Variants in MAX observed in about 807,000 individuals in gnomAD.
The protein encoded by MAX is MYC associated transcriptional regulator X.
A neutral mutation model predicts 22.3 loss-of-function variants in MAX; 3 were observed. The ratio of observed to expected loss-of-function variants is 0.13; its 90% CI spans 0.06 to 0.35. The LOEUF (loss-of-function observed/expected upper bound fraction) is 0.35, where lower values mean the gene tolerates loss of function less well. MAX is among the 10% of genes least tolerant of loss of function. The probability of loss-of-function intolerance (pLI) is 1.00; values close to 1 mark genes in which losing one functional copy is unlikely to be tolerated. For missense variants in MAX, 119 were observed against 209.4 expected, an observed-to-expected ratio of 0.57 and a Z score of 2.66; for synonymous variants, 72 against 77.7, an observed-to-expected ratio of 0.93 and a Z score of 0.39.
In MAX at chr14:65,075,197, C is replaced by T. The variant is rs1057392096; in HGVS notation, c.*1279G>A. The T allele has an allele frequency of 1.3e-5, 14 of 1,043,488 alleles. No homozygotes were observed. Among genetic ancestry groups the T allele is most frequent in the African/African-American group, 8.4e-5 (5 of 59,712 alleles). The allele number at this position is 1,043,488 out of a possible 1,614,324, so 64.6% of individuals were successfully genotyped here. On this transcript the variant is annotated 3_prime_UTR_variant, in exon 5 of 5. Coordinates refer to ENST00000358664, the MANE Select transcript of MAX (RefSeq NM_002382.5). This position sits in a 1 kb window ranked among gnomAD's most constrained non-coding sequence, Gnocchi z 4.1. ...AGCCTTAACTTGCAAGACAATTCTT[C>T]GGCAGTATGTACAACATACTTTTTA...
At position 65,082,096 on chromosome 14, in the gene MAX, G is replaced by T. The variant is rs1174851639; in HGVS notation, c.172-4060C>A. 6.6e-6 allele frequency: 1 copy of T among 152,132 alleles called. No homozygotes were observed. Among genetic ancestry groups the T allele is most frequent in the African/African-American group, 2.4e-5 (1 of 41,396 alleles). The allele number at this position is 152,132 out of a possible 1,614,324, so 9.4% of individuals were successfully genotyped here. On this transcript the variant is annotated intron_variant, in intron 3 of 4. Transcript: ENST00000358664. The surrounding 1 kb of genome is among the most constrained non-coding windows in gnomAD (Gnocchi z 4.8). Reference sequence around the variant, plus strand: ...ATGTTTTCCCTATTTTATAAATGAGGAAACCGAGACACAGAGCTGTAATTT... The same window carrying T: ...ATGTTTTCCCTATTTTATAAATGAGTAAACCGAGACACAGAGCTGTAATTT...
intron 2 of MAX, among the ~76,000 whole-genome samples, chr14:65,099,854 G>A (rs916190656): frequency 1.3e-5 from 2 of 152,204 alleles, no homozygotes; most frequent in African/African-American, 4.8e-5. Context: ...CTATTACCCA[G>A]GGATAATTTT....
At chr14:65,100,872 T>C (rs1463136440) in intron 2 of MAX, among the ~76,000 whole-genome samples, 4 of 152,352 alleles carry the variant, frequency 2.6e-5, no homozygotes, top group East Asian at 1.9e-4. Flanking sequence ...TAAGAAATTA[T>C]TGATAACACT....
rs755827986 is a variant in MAX at position 65,077,297 on chromosome 14, T to C, written c.295+616A>G. 7.6e-7 allele frequency: 1 copy of C among 1,309,826 alleles called. No individual in the cohort carries two copies. 81.1% of individuals were successfully genotyped at this position (1,309,826 alleles called of 1,614,324 possible). On this transcript the variant is annotated intron_variant, in intron 4 of 4. Coordinates refer to ENST00000358664, the MANE Select transcript of MAX (RefSeq NM_002382.5). The surrounding 1 kb of genome is among the most constrained non-coding windows in gnomAD (Gnocchi z 6.3). ...CTGGAAGGTCAACCCATTTAATTTA[T>C]TTTATTTTATTTTATTTGAGGTTTT... is the stretch of plus-strand genomic sequence containing the variant.
chr14:65,077,644 C>CT lies in MAX; in HGVS notation c.295+268dup. 1 of 1,360,810 alleles carries CT rather than the reference C, an allele frequency of 7.3e-7. No homozygotes were observed. Among genetic ancestry groups the CT allele is most frequent in the South Asian group, 1.3e-5 (1 of 79,760 alleles). The allele number at this position is 1,360,810 out of a possible 1,614,324, so 84.3% of individuals were successfully genotyped here. A position where few individuals can be genotyped will look rare whatever the true frequency, so the allele number is the denominator to read the frequency against. Reference sequence around the variant, plus strand: ...GTGATCCCTACTGCAGGCAGAGCACCTGAGCCCCAAGAAGGGGAGAGGTCA... The same window carrying CT: ...GTGATCCCTACTGCAGGCAGAGCACCTTGAGCCCCAAGAAGGGGAGAGGTCA... On this transcript the variant is annotated intron_variant, in intron 4 of 4. Coordinates refer to ENST00000358664, the MANE Select transcript of MAX (RefSeq NM_002382.5). The surrounding 1 kb of genome is among the most constrained non-coding windows in gnomAD (Gnocchi z 6.3).
At position 65,032,648 on chromosome 14, in the gene MAX, A is replaced by G. The variant is rs1566558050; in HGVS notation, c.172-26364T>C. 6.2e-7 allele frequency: 1 copy of G among 1,613,954 alleles called. No homozygotes were observed. Among genetic ancestry groups the G allele is most frequent in the Non-Finnish European group, 8.5e-7 (1 of 1,180,000 alleles). Reference sequence around the variant, plus strand: ...GCTGCCTCCGTAGCCTCGCTGACCAACATCATCACTCCAGACCTCTTTGAG... The same window carrying G: ...GCTGCCTCCGTAGCCTCGCTGACCAGCATCATCACTCCAGACCTCTTTGAG... On this transcript the variant is annotated intron_variant, in intron 3 of 3. Transcript: ENST00000341653. The surrounding 1 kb of genome is among the most constrained non-coding windows in gnomAD (Gnocchi z 5.0).
rs1595012946 is a variant in MAX at position 65,011,025 on chromosome 14, C to T, written c.172-4741G>A. On this transcript the variant is annotated intron_variant, in intron 3 of 3. Transcript: ENST00000341653. This position sits in a 1 kb window ranked among gnomAD's most constrained non-coding sequence, Gnocchi z 4.0. Reference sequence around the variant, plus strand: ...TCCTTTCTTCATGAGATATCCCCTCCCTTTTGAGCCTCAGTAGTATGTTTT... The same window carrying T: ...TCCTTTCTTCATGAGATATCCCCTCTCTTTTGAGCCTCAGTAGTATGTTTT... Among the ~76,000 whole-genome samples, 1 of 123,802 alleles carries T rather than the reference C, an allele frequency of 8.1e-6. No homozygotes were observed. Among genetic ancestry groups the T allele is most frequent in the African/African-American group, 3.2e-5 (1 of 31,328 alleles). The allele number at this position is 123,802 out of a possible 152,430, so 81.2% of individuals were successfully genotyped here.
rs1566606497 is a variant in MAX, at chr14:65,082,611, C to A, written c.172-4575G>T. ...AGACACTTGGGCTCTATAAAAAAAT[C>A]AAAAGATTAGCTGGGCATGGTGGTA... is the stretch of plus-strand genomic sequence containing the variant. On this transcript the variant is annotated intron_variant, in intron 3 of 4. Coordinates refer to ENST00000358664, the MANE Select transcript of MAX (RefSeq NM_002382.5). The surrounding 1 kb of genome is among the most constrained non-coding windows in gnomAD (Gnocchi z 4.8). Among the ~76,000 whole-genome samples, 1 of 151,762 alleles carries A rather than the reference C, an allele frequency of 6.6e-6. No homozygotes were observed. The highest frequency in any genetic ancestry group is 1.9e-4 in the East Asian group (1 of 5,174).
Position 65,043,854 on chromosome 14 carries a change from A to G in MAX, c.172-37570T>C, listed in dbSNP as rs952147084. Among the ~76,000 whole-genome samples, 124 of 145,840 alleles carry G rather than the reference A, an allele frequency of 8.5e-4. 7 individuals carry two copies. The South Asian group carries it at 0.022, about 26-fold the overall frequency. ...AAAAAAAAAAAAAAAAAAAAAAAAAAAAAAAAGAAATGTAGTACCAAATTC... is the reference window on the plus strand; with the variant it reads ...AAAAAAAAAAAAAAAAAAAAAAAAAGAAAAAAGAAATGTAGTACCAAATTC... On this transcript the variant is annotated intron_variant, in intron 3 of 3. Transcript: ENST00000341653.
At chr14:65,037,857 G>C (rs939060336) in intron 3 of MAX, among the ~76,000 whole-genome samples, 6 of 150,490 alleles carry the variant, frequency 4.0e-5, no homozygotes, top group Non-Finnish European at 8.8e-5. Context: ...CCAGCTCACT[G>C]CAACCTCTTT....
chr14:65,102,624 A>T (rs1280244839), upstream of MAX: 1 of 1,241,846 alleles, frequency 8.1e-7, no homozygotes, highest in Non-Finnish European at 1.0e-6. Context: ...CCTCTAACAG[A>T]CGGCCCGGGT....
chr14:65,090,832 T>G (rs2063486514), intron 3 of MAX, among the ~76,000 whole-genome samples: 1 of 152,198 alleles, frequency 6.6e-6, no homozygotes, highest in Non-Finnish European at 1.5e-5. Context: ...TAATTTATAG[T>G]AGAAATACAG....
At position 65,034,218 on chromosome 14, in the gene MAX, C is replaced by A. The variant is rs1013863836; in HGVS notation, c.172-27934G>T. On this transcript the variant is annotated intron_variant, in intron 3 of 3. Coordinates refer to the MAX transcript ENST00000341653. ...GAGCCCTCTGCCCTCCTGCTTCAGT[C>A]TGGACAGATTGCTCTCAGCTTGCTA... Among the ~76,000 whole-genome samples the A allele has an allele frequency of 2.0e-5, 3 of 152,210 alleles. No individual in the cohort carries two copies. In the East Asian group the frequency reaches 5.8e-4, roughly 29 times the overall value.
At chr14:65,073,830 T>C (rs2063012641), downstream of MAX, among the ~76,000 whole-genome samples, 1 of 152,222 alleles carries the variant, frequency 6.6e-6, no homozygotes, top group Non-Finnish European at 1.5e-5. Context: ...ACCTCCACCC[T>C]GTGCCAAAGT....
At chr14:65,018,154 C>T (rs951600753) in intron 3 of MAX, among the ~76,000 whole-genome samples, 4 of 151,762 alleles carry the variant, frequency 2.6e-5, no homozygotes, top group African/African-American at 7.3e-5. Flanking sequence ...CCAGTCTGGG[C>T]GACATAGTGA....
intron 2 of MAX, among the ~76,000 whole-genome samples, chr14:65,096,332 C>A (rs572538673): frequency 6.6e-6 from 1 of 152,180 alleles, no homozygotes; most frequent in African/African-American, 2.4e-5. Context: ...TTTTTCTCTT[C>A]CCCAAGCTTG....
intron 3 of MAX, among the ~76,000 whole-genome samples, chr14:65,043,714 C>T (rs1266138081): frequency 3.3e-5 from 5 of 150,174 alleles, no homozygotes; most frequent in African/African-American, 7.3e-5. Context: ...CCCAGCTACT[C>T]GGGAGGCTGA....
At chr14:65,065,137 C>CG (rs1555339209) in intron 3 of MAX, among the ~76,000 whole-genome samples, 2 of 151,822 alleles carry the variant, frequency 1.3e-5, no homozygotes, top group African/African-American at 2.4e-5. Context: ...CACTGTATGA[C>CG]GGGGAAAAGC....
In MAX at chr14:65,069,078, G is replaced by A. The variant is rs2062960092; in HGVS notation, c.171+24630C>T. Among the ~76,000 whole-genome samples the A allele has an allele frequency of 6.6e-6, 1 of 152,106 alleles. No homozygotes were observed. The highest frequency in any genetic ancestry group is 2.4e-5 in the African/African-American group (1 of 41,440). On this transcript the variant is annotated intron_variant, in intron 3 of 3. Coordinates refer to the MAX transcript ENST00000341653. The surrounding 1 kb of genome is among the most constrained non-coding windows in gnomAD (Gnocchi z 4.6). ...CCGATGGTGATGACGTAAGTGCTAG[G>A]TGTCCATGCTCCTTGCGAGGCTCCA...
Sources: allele counts gnomAD v4.1 joint callset (sites outside exome capture counted in the v4.1 genomes callset), GRCh38; gene constraint gnomAD v4.1.1; non-coding constraint Gnocchi (gnomAD v3.1); transcripts MANE v1.5; gene names NCBI Gene and HGNC (gene_info 2026-07-23, HGNC 2026-07-21).